The following MIDEAS variants were observed in gnomAD, a reference collection of about 807,000 sequenced individuals.
The protein encoded by MIDEAS is mitotic deacetylase-associated SANT domain protein.
A neutral mutation model predicts 102.7 loss-of-function variants in MIDEAS; 26 were observed. That is an observed-to-expected ratio of 0.25 (90% CI 0.19 to 0.35). MIDEAS has a LOEUF of 0.35. Among genes scored for constraint, MIDEAS ranks in the 10% least tolerant of loss-of-function variants. The probability of loss-of-function intolerance (pLI) is 1.00; values close to 1 mark genes in which losing one functional copy is unlikely to be tolerated. For synonymous variants in MIDEAS, 585 were observed against 591.0 expected, an observed-to-expected ratio of 0.99 and a Z score of 0.15; for missense variants, 1,231 against 1,435.6, an observed-to-expected ratio of 0.86 and a Z score of 2.30.
chr14:73,784,617 C>A (rs2053789539), intron 1 of MIDEAS, among the ~76,000 whole-genome samples: 1 of 152,148 alleles, frequency 6.6e-6, no homozygotes, highest in African/African-American at 2.4e-5. Context: ...TCCTGCCCCT[C>A]AAGACTACAG....
At chr14:73,722,659 GC>G in intron 10 of MIDEAS, 38 bp downstream of exon 10, 1 of 1,606,820 alleles carries the variant, frequency 6.2e-7, no homozygotes, top group Middle Eastern at 1.7e-4. Flanking sequence ...CCCAGACCCA[GC>G]CCAGGCTCTA....
chr14:73,725,132 T>A lies in MIDEAS; in HGVS notation c.2574+140A>T. 1 of 688,482 alleles carries A rather than the reference T, an allele frequency of 1.5e-6. No individual in the cohort carries two copies. The highest frequency in any genetic ancestry group is 2.6e-6 in the Non-Finnish European group (1 of 378,842). The allele number at this position is 688,482 out of a possible 1,614,324, so 42.6% of individuals were successfully genotyped here. ...ACCTATCTTTCTCTTTCTTGTATTG[T>A]TTAGGAAATTCTCTCTGAGGCTACT... On this transcript the variant is annotated intron_variant, in intron 9 of 12. Coordinates refer to ENST00000423556, the MANE Select transcript of MIDEAS (RefSeq NM_001367710.1). This position sits in a 1 kb window ranked among gnomAD's most constrained non-coding sequence, Gnocchi z 4.1.
intron 1 of MIDEAS, among the ~76,000 whole-genome samples, chr14:73,772,587 G>GTTTTT (rs200261598): frequency 1.3e-5 from 2 of 149,820 alleles, no homozygotes; most frequent in Admixed American, 6.6e-5. Flanking sequence ...TTTTGGTTTT[G>GTTTTT]TTTTTTTTTC....
intron 1 of MIDEAS, among the ~76,000 whole-genome samples, chr14:73,746,363 G>A (rs1361947680): frequency 6.6e-6 from 1 of 152,206 alleles, no homozygotes; most frequent in Admixed American, 6.5e-5. Flanking sequence ...GGGACTGCCT[G>A]CCTTCCTCCT....
chr14:73,786,938 C>T (rs2053817230), intron 1 of MIDEAS, among the ~76,000 whole-genome samples: 1 of 151,860 alleles, frequency 6.6e-6, no homozygotes, highest in African/African-American at 2.4e-5. Context: ...GGCGCCCCGA[C>T]CCCGGCCGCC....
At chr14:73,784,066 G>A (rs1032041863) in intron 1 of MIDEAS, among the ~76,000 whole-genome samples, 4 of 152,184 alleles carry the variant, frequency 2.6e-5, no homozygotes, top group Admixed American at 1.3e-4. Flanking sequence ...CGGGGTTTCC[G>A]CCAGAGTTGC....
rs1249957283 is a variant in MIDEAS, at chr14:73,742,626, C to T, written c.-247-2371G>A. On this transcript the variant is annotated intron_variant, in intron 1 of 12. Coordinates refer to ENST00000423556, the MANE Select transcript of MIDEAS (RefSeq NM_001367710.1). This position sits in a 1 kb window ranked among gnomAD's most constrained non-coding sequence, Gnocchi z 4.4. ...GGATACCACAGCAGCCTCTGAAGCT[C>T]AGACAGGGACTTGCTTTGAAGAAAT... 6.6e-6 allele frequency among the ~76,000 whole-genome samples: 1 copy of T among 152,246 alleles called. No homozygotes were observed. The highest frequency in any genetic ancestry group is 1.5e-5 in the Non-Finnish European group (1 of 68,034).
chr14:73,776,529 CAAAA>C (rs71460920), intron 1 of MIDEAS, among the ~76,000 whole-genome samples: 2 of 113,218 alleles, frequency 1.8e-5, no homozygotes, highest in Non-Finnish European at 1.9e-5. Flanking sequence ...GTTTAAATTA[CAAAA>C]AAAAAAAAAA....
chr14:73,727,039 C>CA, intron 5 of MIDEAS, 67 bp from the exon 6 acceptor site: 1 of 1,530,798 alleles, frequency 6.5e-7, no homozygotes, highest in Non-Finnish European at 8.8e-7. Flanking sequence ...GATGATCCCT[C>CA]AGGGTGGGAA....
At chr14:73,720,050 G>C (rs1318091318) in intron 11 of MIDEAS, among the ~76,000 whole-genome samples, 1 of 151,898 alleles carries the variant, frequency 6.6e-6, no homozygotes, top group Non-Finnish European at 1.5e-5. Flanking sequence ...CCTCGGCTGG[G>C]GAAGCCCCGG....
chr14:73,776,500 A>G (rs1424095346), intron 1 of MIDEAS, among the ~76,000 whole-genome samples: 1 of 149,612 alleles, frequency 6.7e-6, no homozygotes, highest in Admixed American at 6.7e-5. Context: ...CCTGGGCAAC[A>G]TGGCAAAACC....
Position 73,716,407 on chromosome 14 carries a change from G to C in MIDEAS, c.*2436C>G, listed in dbSNP as rs2052889660. 6.6e-6 allele frequency: 1 copy of C among 152,090 alleles called. No individual in the cohort carries two copies. The highest frequency in any genetic ancestry group is 2.4e-5 in the African/African-American group (1 of 41,372). 9.4% of individuals were successfully genotyped at this position (152,090 alleles called of 1,614,324 possible). On this transcript the variant is annotated 3_prime_UTR_variant, in exon 13 of 13. Transcript: ENST00000423556. ...TAAAGACTTCCGGCCAGGCACGGTGGTTCACGCCTGTAATGCCAGCACTTT... is the reference window on the plus strand; with the variant it reads ...TAAAGACTTCCGGCCAGGCACGGTGCTTCACGCCTGTAATGCCAGCACTTT...
At chr14:73,729,364 C>T (rs951736686) in intron 4 of MIDEAS, among the ~76,000 whole-genome samples, 1 of 152,216 alleles carries the variant, frequency 6.6e-6, no homozygotes, top group African/African-American at 2.4e-5. Flanking sequence ...CATCTTAATA[C>T]TGAAAAAACT....
chr14:73,726,236 T>G (rs993906241), intron 7 of MIDEAS, 128 bp from the exon 8 acceptor site: 2 of 799,334 alleles, frequency 2.5e-6, no homozygotes, highest in East Asian at 5.4e-5. Context: ...TGCTGAGAGA[T>G]AAGGGGTCCA....
intron 9 of MIDEAS, chr14:73,724,186 T>C (rs546775729): frequency 1.3e-5 from 2 of 152,362 alleles, no homozygotes; most frequent in African/African-American, 4.8e-5. Context: ...GTTTAGTTTT[T>C]GGGCAACTTT....
intron 11 of MIDEAS, 51 bp downstream of exon 11, chr14:73,721,246 C>A (rs919928567): frequency 6.3e-7 from 1 of 1,577,624 alleles, no homozygotes; most frequent in South Asian, 1.1e-5. Flanking sequence ...CGCCCCCAGG[C>A]CCAGCTCCAC....
At chr14:73,779,264 G>A (rs1230695955) in intron 1 of MIDEAS, among the ~76,000 whole-genome samples, 2 of 150,996 alleles carry the variant, frequency 1.3e-5, no homozygotes, top group Admixed American at 1.3e-4. Flanking sequence ...GTGTGGTGGC[G>A]GGTGCCTGTA....
Position 73,767,813 on chromosome 14 carries a change from T to A in MIDEAS, c.-248+19289A>T, listed in dbSNP as rs550819589. On this transcript the variant is annotated intron_variant, in intron 1 of 11. Coordinates refer to the MIDEAS transcript ENST00000394071. ...TTCTAAGCCTATTTCTTCCTCTAAT[T>A]TTCTGGATGACCTACACAGGATTTT... 1.2e-3 allele frequency among the ~76,000 whole-genome samples: 189 copies of A among 152,090 alleles called. 1 individual carries two copies. The highest frequency in any genetic ancestry group is 0.012 in the Admixed American group (180 of 15,290).
At chr14:73,781,776 G>A (rs1464350259) in intron 1 of MIDEAS, among the ~76,000 whole-genome samples, 5 of 145,694 alleles carry the variant, frequency 3.4e-5, no homozygotes, top group South Asian at 2.2e-4. Flanking sequence ...GGCCAGACAC[G>A]GTGGCGCACG....
Sources: gnomAD v4.1 joint callset for allele counts (sites outside exome capture counted in the v4.1 genomes callset) on GRCh38, gnomAD v4.1.1 for gene constraint, Gnocchi (gnomAD v3.1) non-coding constraint, MANE v1.5 for transcripts, NCBI Gene and HGNC (gene_info 2026-07-23, HGNC 2026-07-21) for gene names.